HS3ST4: variants seen among roughly 807,000 people sequenced by gnomAD.
HS3ST4 encodes heparan sulfate-glucosamine 3-sulfotransferase 4, also known as heparan sulfate glucosamine 3-O-sulfotransferase 4.
HS3ST4 carries 17 observed loss-of-function variants against 29.2 expected under a neutral mutation model. The observed-to-expected ratio is 0.58, with a 90% CI of 0.40 to 0.87. The LOEUF is 0.87. Among genes scored for constraint, HS3ST4 ranks in the 40% least tolerant of loss-of-function variants. HS3ST4 has a pLI of 0.00. For synonymous variants in HS3ST4, 314 were observed against 285.7 expected (o/e 1.10, Z -1.00); for missense variants, 627 against 634.5 (o/e 0.99, Z 0.13).
At chr16:25,747,166 T>C (rs1218085731) in intron 1 of HS3ST4, among the ~76,000 whole-genome samples, 1 of 152,178 alleles carries the variant, frequency 6.6e-6, no homozygotes, top group African/African-American at 2.4e-5. Context: ...ACCATCACAA[T>C]TACTCAGAAA....
intron 1 of HS3ST4, among the ~76,000 whole-genome samples, chr16:25,969,886 T>A (rs894304795): frequency 1.3e-5 from 2 of 152,214 alleles, no homozygotes; most frequent in Admixed American, 6.5e-5. Flanking sequence ...AGCTCTGTTA[T>A]GGTCATGTGC....
At chr16:25,982,863 T>C (rs1044305186) in intron 1 of HS3ST4, among the ~76,000 whole-genome samples, 1 of 152,138 alleles carries the variant, frequency 6.6e-6, no homozygotes, top group African/African-American at 2.4e-5. Flanking sequence ...CTTCAACTCT[T>C]CTTTAAAAAC....
chr16:25,973,465 G>A (rs1345115232), intron 1 of HS3ST4, among the ~76,000 whole-genome samples: 2 of 152,148 alleles, frequency 1.3e-5, no homozygotes, highest in East Asian at 3.9e-4. Context: ...AAACCCAACC[G>A]TTTCTCCTTC....
chr16:26,039,420 T>C (rs1969613777), intron 1 of HS3ST4, among the ~76,000 whole-genome samples: 1 of 152,324 alleles, frequency 6.6e-6, no homozygotes, highest in Admixed American at 6.5e-5. Context: ...ATGAAATACT[T>C]TGGACAACTG....
intron 1 of HS3ST4, among the ~76,000 whole-genome samples, chr16:25,972,857 A>G (rs892135528): frequency 1.3e-5 from 2 of 152,348 alleles, no homozygotes; most frequent in African/African-American, 4.8e-5. Flanking sequence ...GAATGCATTT[A>G]GAAGAGTGTC....
intron 1 of HS3ST4, among the ~76,000 whole-genome samples, chr16:25,954,141 C>A (rs914799555): frequency 6.6e-6 from 1 of 152,198 alleles, no homozygotes; most frequent in African/African-American, 2.4e-5. Flanking sequence ...AAGTGCTTTG[C>A]TCCTTGCTGA....
chr16:25,883,371 T>G (rs1410958482), intron 1 of HS3ST4, among the ~76,000 whole-genome samples: 1 of 114,654 alleles, frequency 8.7e-6, no homozygotes. Context: ...TCTCTTTGGA[T>G]CCCTGCTGAA....
chr16:25,841,360 C>T (rs1398085968), intron 1 of HS3ST4, among the ~76,000 whole-genome samples: 25 of 151,964 alleles, frequency 1.6e-4, no homozygotes, highest in African/African-American at 5.1e-4. Context: ...AGTGCAGTGG[C>T]GTGATCATGG....
intron 1 of HS3ST4, among the ~76,000 whole-genome samples, chr16:25,702,084 G>A (rs1966338061): frequency 6.6e-6 from 1 of 152,186 alleles, no homozygotes; most frequent in African/African-American, 2.4e-5. Context: ...CCAGCCTGAA[G>A]TGCTCATTAC....
chr16:26,059,286 C>CCT (rs1263110723), intron 1 of HS3ST4, among the ~76,000 whole-genome samples: 1 of 151,870 alleles, frequency 6.6e-6, no homozygotes, highest in Non-Finnish European at 1.5e-5. Context: ...CACTTGTCCC[C>CCT]CTCTCTCTCT....
intron 1 of HS3ST4, among the ~76,000 whole-genome samples, chr16:25,965,072 T>A (rs1968830150): frequency 6.6e-6 from 1 of 152,032 alleles, no homozygotes; most frequent in Non-Finnish European, 1.5e-5. Context: ...TTGTAACAGA[T>A]AAAAAAGGGT....
intron 1 of HS3ST4, among the ~76,000 whole-genome samples, chr16:25,942,531 G>A (rs1334682824): frequency 6.6e-6 from 1 of 151,830 alleles, no homozygotes; most frequent in Non-Finnish European, 1.5e-5. Context: ...GTTTAAAACA[G>A]GCTGTCTCTT....
In HS3ST4 at chr16:25,692,987, C is replaced by G. The variant is rs557732809; in HGVS notation, c.570C>G (p.Pro190=). The change falls in exon 1 of 2, where the codon CCC becomes CCG. Residue 190 remains proline, a synonymous_variant. Coordinates refer to ENST00000331351, the MANE Select transcript of HS3ST4 (RefSeq NM_006040.3). ...AGAGGGGCGGCGCCGTCAGCACCCC[C>G]GACTATGGGGAGAAGAAGCTGCCAC... The part of the protein sequence containing the change: ...SSERGGAVST[P]DYGEKKLPQA... 1.1e-5 allele frequency: 18 copies of G among 1,611,338 alleles called. No homozygotes were observed. In the South Asian group the frequency reaches 1.5e-4, roughly 14 times the overall value.
intron 1 of HS3ST4, among the ~76,000 whole-genome samples, chr16:25,731,368 C>T (rs1290102093): frequency 6.6e-6 from 1 of 152,138 alleles, no homozygotes; most frequent in Non-Finnish European, 1.5e-5. Context: ...TGAGACAAGG[C>T]CTCCCTGTGT....
At chr16:25,837,492 A>G (rs1354630858) in intron 1 of HS3ST4, among the ~76,000 whole-genome samples, 1 of 152,180 alleles carries the variant, frequency 6.6e-6, no homozygotes, top group African/African-American at 2.4e-5. Context: ...GAGAATAAGA[A>G]CGCTTTCTCA....
At chr16:25,999,695 G>C (rs62034498) in intron 1 of HS3ST4, among the ~76,000 whole-genome samples, 8,728 of 144,876 alleles carry the variant, frequency 0.06, 343 homozygotes, top group Non-Finnish European at 0.092. Context: ...CATACTATGG[G>C]TTCTCAAAAA....
intron 1 of HS3ST4, among the ~76,000 whole-genome samples, chr16:25,841,583 C>T (rs536706561): frequency 5.9e-5 from 9 of 152,150 alleles, no homozygotes; most frequent in African/African-American, 9.7e-5. Flanking sequence ...CTGTGCCTGG[C>T]CTGTATTTAA....
At chr16:25,807,163 G>A (rs1052268587) in intron 1 of HS3ST4, among the ~76,000 whole-genome samples, 2 of 152,028 alleles carry the variant, frequency 1.3e-5, no homozygotes, top group Non-Finnish European at 2.9e-5. Context: ...TAGTAGAGAC[G>A]GAGTTTCGCC....
chr16:25,802,349 A>G (rs1039830731), intron 1 of HS3ST4, among the ~76,000 whole-genome samples: 19 of 152,178 alleles, frequency 1.2e-4, no homozygotes, highest in South Asian at 1.2e-3. Flanking sequence ...CTTTTCCTAC[A>G]TATCTGAAAT....
Sources: allele counts gnomAD v4.1 joint callset (sites outside exome capture counted in the v4.1 genomes callset), GRCh38; gene constraint gnomAD v4.1.1; transcripts MANE v1.5; gene names NCBI Gene and HGNC (gene_info 2026-07-23, HGNC 2026-07-21).